The following IQSEC2 variants were observed in gnomAD, a reference collection of about 807,000 sequenced individuals.
IQSEC2 encodes IQ motif and SEC7 domain-containing protein 2.
In IQSEC2, 6 loss-of-function variants were observed where a neutral mutation model predicts 74.6. The ratio of observed to expected loss-of-function variants is 0.08; its 90% CI spans 0.04 to 0.16. The LOEUF (loss-of-function observed/expected upper bound fraction) is 0.16, where lower values mean the gene tolerates loss of function less well. IQSEC2 is among the 10% of genes least tolerant of loss of function. IQSEC2 has a pLI of 1.00. For synonymous variants in IQSEC2, 494 were observed against 544.5 expected, an observed-to-expected ratio of 0.91 and a Z score of 1.29; for missense variants, 734 against 1,306.2, an observed-to-expected ratio of 0.56 and a Z score of 6.75.
intron 8 of IQSEC2, among the ~76,000 whole-genome samples, chrX:53,246,036 A>G (rs1426364835): frequency 9.1e-6 from 1 of 109,672 alleles, no homozygotes; most frequent in African/African-American, 3.3e-5. Flanking sequence ...TAATTTTTGT[A>G]TTTTTAGTAG....
chrX:53,241,746 C>T (rs1191199267), intron 10 of IQSEC2, 38 bp downstream of exon 10: 39 of 1,206,909 alleles, frequency 3.2e-5, no homozygotes, highest in African/African-American at 3.5e-5. Context: ...GTCAAGCTCA[C>T]TCTCTCCCTC....
At chrX:53,297,675 T>C (rs1334708552) in intron 1 of IQSEC2, among the ~76,000 whole-genome samples, 1 of 111,242 alleles carries the variant, frequency 9.0e-6, no homozygotes, top group African/African-American at 3.3e-5. Context: ...TTCATACAAA[T>C]GATCAATTCT....
At chrX:53,255,333 C>T (rs2074450606) in intron 3 of IQSEC2, among the ~76,000 whole-genome samples, 1 of 111,441 alleles carries the variant, frequency 9.0e-6, no homozygotes, top group South Asian at 3.8e-4. Flanking sequence ...GTTGAATTAC[C>T]TACATTCCAA....
intron 4 of IQSEC2, among the ~76,000 whole-genome samples, chrX:53,251,946 G>C (rs1762650329): frequency 8.9e-6 from 1 of 112,509 alleles, no homozygotes; most frequent in African/African-American, 3.2e-5. Flanking sequence ...TGTAGTCCCA[G>C]CTACTCAGGA....
chrX:53,244,975 A>C (rs2074281053), intron 8 of IQSEC2, among the ~76,000 whole-genome samples: 2 of 110,781 alleles, frequency 1.8e-5, no homozygotes, highest in Non-Finnish European at 3.8e-5. Flanking sequence ...ACACACACAT[A>C]TATTGAGAGA....
At chrX:53,296,943 C>T (rs1347977282) in intron 1 of IQSEC2, among the ~76,000 whole-genome samples, 7 of 111,720 alleles carry the variant, frequency 6.3e-5, no homozygotes, top group African/African-American at 2.3e-4. Context: ...CTGTGCCCTC[C>T]TCTCATTCTA....
intron 8 of IQSEC2, among the ~76,000 whole-genome samples, chrX:53,245,945 C>A (rs1556862005): frequency 1.9e-5 from 2 of 107,114 alleles, no homozygotes; most frequent in African/African-American, 6.8e-5. Flanking sequence ...TCACTGCAAC[C>A]TCTACCTCCC....
chrX:53,277,715 G>A (rs1351868393), intron 2 of IQSEC2, among the ~76,000 whole-genome samples: 14 of 111,247 alleles, frequency 1.3e-4, no homozygotes, highest in African/African-American at 3.9e-4. Context: ...CTGTTACCCA[G>A]GCTGGAGTGC....
At chrX:53,293,166 G>C (rs1424109047) in intron 1 of IQSEC2, among the ~76,000 whole-genome samples, 1 of 112,371 alleles carries the variant, frequency 8.9e-6, no homozygotes, top group African/African-American at 3.2e-5. Context: ...CCGCTGGCGA[G>C]GTGGGGCAGG....
chrX:53,234,020 G>A lies in IQSEC2; in HGVS notation c.*199C>T. 1 of 306,881 alleles carries A rather than the reference G, an allele frequency of 3.3e-6. No homozygotes were observed. The highest frequency in any genetic ancestry group is 5.9e-5 in the Admixed American group (1 of 16,853). The allele number at this position is 306,881 out of a possible 1,213,427, so 25.3% of individuals were successfully genotyped here. On this transcript the variant is annotated 3_prime_UTR_variant, in exon 15 of 15. Transcript: ENST00000642864. ...CTGAGTCCAGGCTTCAAGTGGCAAG[G>A]ATCCTCGAATCTGGAAGGAAACCCC...
intron 2 of IQSEC2, among the ~76,000 whole-genome samples, chrX:53,278,306 G>C (rs782205834): frequency 1.8e-5 from 2 of 110,569 alleles, no homozygotes; most frequent in South Asian, 7.6e-4. Context: ...CACTGCGCCT[G>C]GCCCCAATAT....
chrX:53,283,200 A>G (rs2074992661), intron 2 of IQSEC2, among the ~76,000 whole-genome samples: 1 of 112,345 alleles, frequency 8.9e-6, no homozygotes, highest in Non-Finnish European at 1.9e-5. Context: ...TGGGTGACAG[A>G]GCAAGACCCT....
rs781811683 is a variant in IQSEC2, at chrX:53,255,946, G to T, written c.853C>A (p.Pro285Thr). ...GCCCAGGGAAGGCCCACTCCAGCAG[G>T]GGGGCCCCCCATGTGGCTGCTGGAG... is the stretch of plus-strand genomic sequence containing the variant. ...PPSSSHMGGP[P>T]AGVGLPWAQR... Residue 285 changes from proline to threonine, a missense_variant, in exon 3 of 15, where the codon CCT (proline) becomes ACT (threonine). By Grantham distance (38) the Pro-to-Thr change is conservative. Transcript: ENST00000642864. The T allele has an allele frequency of 8.3e-7, 1 of 1,200,184 alleles. No homozygotes were observed. The highest frequency in any genetic ancestry group is 1.1e-6 in the Non-Finnish European group (1 of 888,972).
chrX:53,320,644 G>A lies in IQSEC2; in HGVS notation c.480C>T (p.His160=), dbSNP rs2075421486. The A allele has an allele frequency of 4.3e-6, 5 of 1,162,532 alleles. No individual in the cohort carries two copies. The highest frequency in any genetic ancestry group is 5.7e-6 in the Non-Finnish European group (5 of 870,938). ...RERDVAQCHL[H]HENPALGRER... ...CGCGACCCAGGGCTGGGTTCTCGTG[G>A]TGCAGGTGGCACTGGGCCACGTCAC... is the stretch of plus-strand genomic sequence containing the variant. Residue 160 remains histidine (H), a synonymous_variant, in exon 1 of 15, where the codon CAC becomes CAT. Transcript: ENST00000642864.
chrX:53,320,388 A>G, intron 1 of IQSEC2, 29 bp downstream of exon 1: 1 of 1,113,497 alleles, frequency 9.0e-7, no homozygotes, highest in Non-Finnish European at 1.2e-6. Flanking sequence ...TAGAGGGAAG[A>G]GCCGGGGGTA....
At chrX:53,307,762 G>C (rs1163068592) in intron 1 of IQSEC2, among the ~76,000 whole-genome samples, 1 of 107,099 alleles carries the variant, frequency 9.3e-6, no homozygotes, top group Non-Finnish European at 1.9e-5. Flanking sequence ...AATTAGCCAG[G>C]CGTGGCAGTG....
At position 53,258,942 on chromosome X, in the gene IQSEC2, G is replaced by A. The variant is rs782259170; in HGVS notation, c.738-2881C>T. 1.8e-4 allele frequency among the ~76,000 whole-genome samples: 20 copies of A among 111,458 alleles called. No individual in the cohort carries two copies. In the South Asian group the frequency reaches 7.5e-3, roughly 42 times the overall value. ...GCCGTGGATCATGCCTGTAATCCCAGCACTTTGGGAGGCCAAGGCAGGTGG... is the reference window on the plus strand; with the variant it reads ...GCCGTGGATCATGCCTGTAATCCCAACACTTTGGGAGGCCAAGGCAGGTGG... On this transcript the variant is annotated intron_variant, in intron 2 of 14. Coordinates refer to ENST00000642864, the MANE Select transcript of IQSEC2 (RefSeq NM_001111125.3).
rs1270822826 is a variant in IQSEC2 at position 53,320,361 on chromosome X, C to G, written c.707+56G>C. 3.9e-6 allele frequency: 4 copies of G among 1,018,175 alleles called. No homozygotes were observed. The African/African-American group carries it at 7.7e-5, about 20-fold the overall frequency. 83.9% of individuals were successfully genotyped at this position (1,018,175 alleles called of 1,213,427 possible). A position where few individuals can be genotyped will look rare whatever the true frequency, so the allele number is the denominator to read the frequency against. On this transcript the variant is annotated intron_variant, in intron 1 of 14. Coordinates refer to ENST00000642864, the MANE Select transcript of IQSEC2 (RefSeq NM_001111125.3). ...CTGGCTTCTTACTCTATCAGCTGGA[C>G]AAGTTGGAGAGGGATCTAGAGGGAA...
intron 4 of IQSEC2, among the ~76,000 whole-genome samples, chrX:53,254,148 T>C (rs782195904): frequency 7.3e-5 from 8 of 110,343 alleles, no homozygotes; most frequent in Non-Finnish European, 1.1e-4. Context: ...CTGACCAACA[T>C]GGTGAAACCC....
Sources: allele counts gnomAD v4.1 joint callset (sites outside exome capture counted in the v4.1 genomes callset), GRCh38; gene constraint gnomAD v4.1.1; transcripts MANE v1.5; gene names NCBI Gene and HGNC (gene_info 2026-07-23, HGNC 2026-07-21).